The following SLC10A1 variants were observed in gnomAD, a reference collection of about 807,000 sequenced individuals.
SLC10A1 encodes the protein solute carrier family 10 member 1.
SLC10A1 carries 36 observed loss-of-function variants against 20.5 expected under a neutral mutation model. That is an observed-to-expected ratio of 1.75 (90% CI 1.34 to 2.32). The LOEUF is 2.32. SLC10A1 is among the 30% of genes most tolerant of loss of function. The pLI, the probability that SLC10A1 is intolerant of heterozygous loss-of-function variation, is 0.00. For synonymous variants in SLC10A1, 188 were observed against 163.6 expected (o/e 1.15, Z -1.14); for missense variants, 545 against 439.1 (o/e 1.24, Z -2.16).
chr14:69,786,181 T>TA lies in SLC10A1; in HGVS notation c.482dup (p.Ser162IlefsTer116). 1 of 1,614,116 alleles carries TA rather than the reference T, an allele frequency of 6.2e-7. No homozygotes were observed. On this transcript the variant is annotated frameshift_variant, in exon 2 of 5. Transcript: ENST00000216540. LOFTEE classifies it high-confidence loss of function. ...AAGGAATGAGAACCAGGACCAGTGA[T>TA]ATCACGATGCCTTTATAGGGCACCT... is the stretch of plus-strand genomic sequence containing the variant.
chr14:69,784,958 AC>A (rs1443683261), intron 2 of SLC10A1, among the ~76,000 whole-genome samples: 2 of 151,392 alleles, frequency 1.3e-5, no homozygotes, highest in Non-Finnish European at 2.9e-5. Context: ...TGAAAATAAA[AC>A]CCCCCTGAAA....
intron 1 of SLC10A1, among the ~76,000 whole-genome samples, chr14:69,790,251 C>G (rs1883807785): frequency 6.6e-6 from 1 of 152,024 alleles, no homozygotes; most frequent in African/African-American, 2.4e-5. Context: ...CGGTAGTGTT[C>G]TACTAAACAT....
chr14:69,777,345 GGAGA>G (rs1430755188), intron 4 of SLC10A1, among the ~76,000 whole-genome samples: 3 of 152,110 alleles, frequency 2.0e-5, no homozygotes, highest in Admixed American at 6.5e-5. Context: ...AATTGCAAAG[GGAGA>G]GAGAATCGGC....
At chr14:69,780,344 A>C (rs1432991554) in intron 2 of SLC10A1, among the ~76,000 whole-genome samples, 1 of 151,914 alleles carries the variant, frequency 6.6e-6, no homozygotes, top group Non-Finnish European at 1.5e-5. Flanking sequence ...GGTATGTGTA[A>C]ATTTAAGACT....
chr14:69,795,400 CTTTT>C (rs140035207), intron 1 of SLC10A1, among the ~76,000 whole-genome samples: 2 of 128,828 alleles, frequency 1.6e-5, no homozygotes, highest in Admixed American at 8.1e-5. Flanking sequence ...TTTTTATTTC[CTTTT>C]TTTTTTTTTT....
Position 69,796,994 on chromosome 14 carries a change from G to T in SLC10A1, c.162C>A (p.His54Gln), listed in dbSNP as rs754821003. The T allele has an allele frequency of 6.2e-7, 1 of 1,614,258 alleles. No homozygotes were observed. The highest frequency in any genetic ancestry group is 2.2e-5 in the East Asian group (1 of 44,886). The change falls in exon 1 of 5, where the codon CAC (histidine) becomes CAA (glutamine). Residue 54 changes from histidine to glutamine, a missense_variant. Physicochemically the swap from His to Gln is conservative, Grantham distance 24. Transcript: ENST00000216540. ...CTMEFSKIKAHLWKPKGLAIA... is the reference protein window; with the variant it reads ...CTMEFSKIKAQLWKPKGLAIA... Reference sequence around the variant, plus strand: ...TGGCCAGCCCTTTAGGCTTCCATAAGTGAGCCTTGATCTTGCTGAACTCCA... The same window carrying T: ...TGGCCAGCCCTTTAGGCTTCCATAATTGAGCCTTGATCTTGCTGAACTCCA...
In SLC10A1 at chr14:69,779,333, T is replaced by G. The variant is rs746174545; in HGVS notation, c.595A>C (p.Ser199Arg). 4 of 1,613,176 alleles carry G rather than the reference T, an allele frequency of 2.5e-6. No individual in the cohort carries two copies. The East Asian group carries it at 6.7e-5, about 27-fold the overall frequency. ...KGGMIIILLC[S>R]VAVTVLSAIN... The stretch of plus-strand genomic sequence containing the variant: ...GCAGAGAGAACTGTGACGGCCACAC[T>G]GCACAAGAGAATGATGATCATCCCT... The change falls in exon 3 of 5, where the codon AGT becomes CGT. Residue 199 changes from serine (S) to arginine (R), a missense_variant. Transcript: ENST00000216540.
In SLC10A1 at chr14:69,784,712, A is replaced by G. The variant is rs183605637; in HGVS notation, c.567+1385T>C. 1.8e-3 allele frequency among the ~76,000 whole-genome samples: 277 copies of G among 152,250 alleles called. 1 individual carries two copies. Among genetic ancestry groups the G allele is most frequent in the Non-Finnish European group, 2.3e-3 (154 of 68,032 alleles). Reference sequence around the variant, plus strand: ...GATTGTGAAGAACCAATACAGAGATATTTTAGAAATGAGAGAGAGGGGAGG... The same window carrying G: ...GATTGTGAAGAACCAATACAGAGATGTTTTAGAAATGAGAGAGAGGGGAGG... On this transcript the variant is annotated intron_variant, in intron 2 of 4. Transcript: ENST00000216540.
At position 69,778,348 on chromosome 14, in the gene SLC10A1, A is replaced by G. The variant is rs201677740; in HGVS notation, c.928T>C (p.Phe310Leu). The part of the protein sequence containing the change: ...LIAIFWCYEK[F>L]KTPKDKTKMI... ...CAGTACTCACCCTTGGGAGTCTTGA[A>G]TTTCTCATAGCACCAAAATATGGCA... is the stretch of plus-strand genomic sequence containing the variant. The change falls in exon 4 of 5, where the codon TTC (phenylalanine) becomes CTC (leucine). Residue 310 changes from phenylalanine to leucine, a missense_variant. Phe to Leu is a conservative substitution (Grantham distance 22). Transcript: ENST00000216540. 3.7e-6 allele frequency: 6 copies of G among 1,607,306 alleles called. No individual in the cohort carries two copies. In the East Asian group the frequency reaches 1.1e-4, roughly 30 times the overall value.
At position 69,797,129 on chromosome 14, in the gene SLC10A1, TG is replaced by T; in HGVS notation, c.26del (p.Pro9HisfsTer19). ...AGTTGGGTGGCAGGGTGAAGTTGAATGGGGCAGACGCGTTGTGGGCCTCCAT... is the reference window on the plus strand; with the variant it reads ...AGTTGGGTGGCAGGGTGAAGTTGAATGGGCAGACGCGTTGTGGGCCTCCAT... MEAHNASA[P>X]FNFTLPPNFG... On this transcript the variant is annotated frameshift_variant, in exon 1 of 5. Coordinates refer to ENST00000216540, the MANE Select transcript of SLC10A1 (RefSeq NM_003049.4). LOFTEE classifies it high-confidence loss of function. 3 of 1,613,516 alleles carry T rather than the reference TG, an allele frequency of 1.9e-6. No homozygotes were observed. Among genetic ancestry groups the T allele is most frequent in the Non-Finnish European group, 2.5e-6 (3 of 1,179,772 alleles).
chr14:69,780,239 A>G (rs925047476), intron 2 of SLC10A1, among the ~76,000 whole-genome samples: 7 of 152,238 alleles, frequency 4.6e-5, no homozygotes, highest in African/African-American at 1.4e-4. Context: ...ATTGTGCAAC[A>G]TAGGATGCAA....
chr14:69,788,150 T>C (rs1285361616), intron 1 of SLC10A1, among the ~76,000 whole-genome samples: 1 of 151,964 alleles, frequency 6.6e-6, no homozygotes, highest in Non-Finnish European at 1.5e-5. Context: ...GAGGCTTTAA[T>C]GCCCAAGGAA....
At chr14:69,783,841 G>A (rs1883653204) in intron 2 of SLC10A1, among the ~76,000 whole-genome samples, 1 of 152,184 alleles carries the variant, frequency 6.6e-6, no homozygotes, top group Admixed American at 6.5e-5. Context: ...TTGATTAGAT[G>A]GGTGTGAGTG....
At chr14:69,780,887 AGAGTG>A (rs1177552536) in intron 2 of SLC10A1, among the ~76,000 whole-genome samples, 1 of 152,192 alleles carries the variant, frequency 6.6e-6, no homozygotes, top group Non-Finnish European at 1.5e-5. Context: ...ATCTCTATCA[AGAGTG>A]GAGTGGATAA....
rs76966244 is a variant in SLC10A1 at position 69,779,183 on chromosome 14, G to A, written c.745C>T (p.Arg249Trp). Residue 249 changes from arginine to tryptophan, a missense_variant and splice_region_variant, in exon 3 of 5, where the codon CGG becomes TGG. Physicochemically the swap from Arg to Trp is moderately radical, Grantham distance 101 (BLOSUM62 -3). Transcript: ENST00000216540. ...VLSALFCLNGRCRRTVSMETG... is the reference protein window; with the variant it reads ...VLSALFCLNGWCRRTVSMETG... ...CTTAAAAAAAAAAAAAATACCTACC[G>A]TCCATTGAGGCAGAAGAGAGCAGAG... 6.6e-5 allele frequency: 105 copies of A among 1,583,648 alleles called. No homozygotes were observed. The highest frequency in any genetic ancestry group is 4.8e-4 in the South Asian group (41 of 85,694).
At chr14:69,782,373 T>C (rs1201562484) in intron 2 of SLC10A1, among the ~76,000 whole-genome samples, 1 of 152,232 alleles carries the variant, frequency 6.6e-6, no homozygotes, top group African/African-American at 2.4e-5. Flanking sequence ...GAGTAGTGAA[T>C]GTGCAACACA....
rs760927744 is a variant in SLC10A1 at position 69,779,212 on chromosome 14, A to T, written c.716T>A (p.Val239Asp). The change falls in exon 3 of 5, where the codon GTT becomes GAT. Residue 239 changes from valine (V) to aspartate (D), a missense_variant. Physicochemically the swap from Val to Asp is radical, Grantham distance 152. Coordinates refer to ENST00000216540, the MANE Select transcript of SLC10A1 (RefSeq NM_003049.4). ...ATTGAGGCAGAAGAGAGCAGAGAGA[A>T]CATAACCCAGCAGAAAGCCAATAAA... ...MPFIGFLLGY[V>D]LSALFCLNGR... The T allele has an allele frequency of 1.9e-6, 3 of 1,613,336 alleles. No individual in the cohort carries two copies. In the South Asian group the frequency reaches 3.3e-5, roughly 18 times the overall value.
rs796257556 is a variant in SLC10A1, at chr14:69,797,132, G to A, written c.24C>T (p.Ala8=). The A allele has an allele frequency of 6.2e-7, 1 of 1,612,280 alleles. No individual in the cohort carries two copies. The highest frequency in any genetic ancestry group is 1.3e-5 in the African/African-American group (1 of 74,900). ...TGGGTGGCAGGGTGAAGTTGAATGG[G>A]GCAGACGCGTTGTGGGCCTCCATCC... MEAHNAS[A]PFNFTLPPNF... Residue 8 remains alanine (A), a synonymous_variant, in exon 1 of 5, where the codon GCC becomes GCT. Transcript: ENST00000216540.
intron 1 of SLC10A1, among the ~76,000 whole-genome samples, chr14:69,796,377 C>G (rs1039403389): frequency 6.6e-6 from 1 of 152,198 alleles, no homozygotes; most frequent in African/African-American, 2.4e-5. Flanking sequence ...TCATTTGGTT[C>G]CAAGTCACCT....
Sources: allele counts gnomAD v4.1 joint callset (sites outside exome capture counted in the v4.1 genomes callset), GRCh38; gene constraint gnomAD v4.1.1; transcripts MANE v1.5; gene names NCBI Gene and HGNC (gene_info 2026-07-23, HGNC 2026-07-21).